CARNMT1: variants seen among roughly 807,000 people sequenced by gnomAD.
CARNMT1 encodes carnosine N-methyltransferase 1.
Under a neutral mutation model 49.6 loss-of-function variants are expected in CARNMT1, and 28 were observed. That is an observed-to-expected ratio of 0.56 (90% confidence interval 0.42 to 0.77). The LOEUF (loss-of-function observed/expected upper bound fraction) is 0.77. Among genes scored for constraint, CARNMT1 ranks in the 30% least tolerant of loss-of-function variants. CARNMT1 has a pLI of 0.00. For missense variants in CARNMT1, 421 were observed against 512.6 expected, an observed-to-expected ratio of 0.82 and a Z score of 1.73; for synonymous variants, 178 against 175.0, an observed-to-expected ratio of 1.02 and a Z score of -0.13.
At chr9:75,023,554 G>T (rs1194205386) in intron 1 of CARNMT1, among the ~76,000 whole-genome samples, 1 of 152,208 alleles carries the variant, frequency 6.6e-6, no homozygotes, top group Non-Finnish European at 1.5e-5. Context: ...GGTGTGCAAA[G>T]CTGCCATAAC....
chr9:75,021,043 C>A (rs1240480232), intron 1 of CARNMT1, among the ~76,000 whole-genome samples: 2 of 151,906 alleles, frequency 1.3e-5, no homozygotes. Context: ...GGGACTAAAC[C>A]AAGTCAGTTA....
intron 6 of CARNMT1, among the ~76,000 whole-genome samples, chr9:74,985,481 G>T (rs1490314228): frequency 9.2e-5 from 14 of 152,118 alleles, no homozygotes; most frequent in African/African-American, 3.1e-4. Flanking sequence ...CATTAGAGCT[G>T]GCTTTTATTT....
intron 3 of CARNMT1, among the ~76,000 whole-genome samples, chr9:75,005,375 TAGAC>T (rs1488750264): frequency 1.3e-5 from 2 of 152,084 alleles, no homozygotes; most frequent in Admixed American, 6.5e-5. Context: ...ACTTGAAACA[TAGAC>T]AGATTGGAGA....
intron 1 of CARNMT1, chr9:75,026,972 C>A: frequency 2.7e-6 from 2 of 746,018 alleles, no homozygotes; most frequent in Non-Finnish European, 4.0e-6. Context: ...TTTATAAAAA[C>A]AACTATAATA....
chr9:74,988,497 T>A (rs1171196718), intron 6 of CARNMT1, among the ~76,000 whole-genome samples: 1 of 152,216 alleles, frequency 6.6e-6, no homozygotes, highest in Non-Finnish European at 1.5e-5. Flanking sequence ...TGTATGAATG[T>A]CTTATGACTG....
At chr9:74,987,386 C>T (rs537589692) in intron 6 of CARNMT1, among the ~76,000 whole-genome samples, 3 of 152,256 alleles carry the variant, frequency 2.0e-5, no homozygotes, top group East Asian at 1.9e-4. Flanking sequence ...ATAACCCAAA[C>T]GTCCACCAAC....
At chr9:75,008,641 T>TA (rs1278478570) in intron 3 of CARNMT1, among the ~76,000 whole-genome samples, 7 of 152,262 alleles carry the variant, frequency 4.6e-5, no homozygotes, top group African/African-American at 1.7e-4. Context: ...GAAAGACCTA[T>TA]ACACTGAAAA....
chr9:74,988,514 C>G (rs927888816), intron 6 of CARNMT1, among the ~76,000 whole-genome samples: 1 of 152,126 alleles, frequency 6.6e-6, no homozygotes, highest in African/African-American at 2.4e-5. Flanking sequence ...ACTGTCCACT[C>G]CATTACTGTT....
rs772049235 is a variant in CARNMT1 at position 75,017,284 on chromosome 9, T to A, written c.395A>T (p.His132Leu). The A allele has an allele frequency of 1.7e-5, 28 of 1,613,414 alleles. No individual in the cohort carries two copies. Among genetic ancestry groups the A allele is most frequent in the Non-Finnish European group, 1.4e-5 (16 of 1,179,532 alleles). The change falls in exon 2 of 8, where the codon CAT becomes CTT. Residue 132 changes from histidine to leucine, a missense_variant. His to Leu is a moderately conservative substitution (Grantham distance 99). Around this residue, in one of 2 missense-constraint regions of CARNMT1, gnomAD observed 235 missense variants for 344.8 expected, o/e 0.68. Coordinates refer to ENST00000376834, the MANE Select transcript of CARNMT1 (RefSeq NM_152420.3). ...ILLTIVNDCI[H>L]MFENKEYGED... ...TCCATATTCTTTATTTTCAAACATA[T>A]GTATGCAATCATTCACAATGGTCAG...
chr9:74,991,939 A>G (rs1833031577), intron 6 of CARNMT1, among the ~76,000 whole-genome samples: 1 of 152,136 alleles, frequency 6.6e-6, no homozygotes, highest in South Asian at 2.1e-4. Context: ...AAAGGGCTGT[A>G]TGTGTTCAGT....
At chr9:75,002,715 G>T (rs1833398085) in intron 3 of CARNMT1, among the ~76,000 whole-genome samples, 1 of 152,080 alleles carries the variant, frequency 6.6e-6, no homozygotes, top group Non-Finnish European at 1.5e-5. Flanking sequence ...ATGGCAAAAT[G>T]TCAAGGTTTA....
At chr9:75,010,030 T>A (rs991999391) in intron 3 of CARNMT1, 2 of 151,426 alleles carry the variant, frequency 1.3e-5, no homozygotes, top group Non-Finnish European at 2.9e-5. Context: ...TGCATGTATA[T>A]GTAAGTGCTA....
intron 3 of CARNMT1, among the ~76,000 whole-genome samples, chr9:75,006,477 C>G (rs906609666): frequency 6.6e-6 from 1 of 152,082 alleles, no homozygotes; most frequent in African/African-American, 2.4e-5. Flanking sequence ...CTCACCTTAT[C>G]TACTATAAGG....
intron 3 of CARNMT1, among the ~76,000 whole-genome samples, chr9:75,004,857 C>A (rs551175454): frequency 3.3e-5 from 5 of 152,208 alleles, no homozygotes; most frequent in Non-Finnish European, 7.4e-5. Context: ...CAAATCACTT[C>A]AAAGTCTTCT....
In CARNMT1 at chr9:75,016,530, T is replaced by C. The variant is rs1033342229; in HGVS notation, c.427-99A>G. 20 of 1,110,204 alleles carry C rather than the reference T, an allele frequency of 1.8e-5. No homozygotes were observed. The African/African-American group carries it at 2.8e-4, about 16-fold the overall frequency. The allele number at this position is 1,110,204 out of a possible 1,614,324, so 68.8% of individuals were successfully genotyped here. ...CTAAGGGGCTATATAGGTGGTTTAG[T>C]GGATAAATCACTAGCCTCTCACCTC... On this transcript the variant is annotated intron_variant, in intron 2 of 7. Transcript: ENST00000376834.
intron 5 of CARNMT1, 144 bp downstream of exon 5, chr9:74,998,454 C>T (rs1203687971): frequency 8.1e-6 from 5 of 619,192 alleles, no homozygotes; most frequent in African/African-American, 1.9e-5. Flanking sequence ...TGTACACGAC[C>T]TTGAAAACAT....
chr9:75,012,727 A>AT (rs2118844095), intron 3 of CARNMT1, among the ~76,000 whole-genome samples: 1 of 151,892 alleles, frequency 6.6e-6, no homozygotes, highest in South Asian at 2.1e-4. Flanking sequence ...TTTTTAAAAA[A>AT]TCTTATCTAC....
intron 7 of CARNMT1, among the ~76,000 whole-genome samples, chr9:74,984,393 A>G (rs992932585): frequency 2.6e-5 from 4 of 152,162 alleles, no homozygotes; most frequent in Non-Finnish European, 4.4e-5. Flanking sequence ...TTGAAAGGCT[A>G]TTTCACCAGA....
At chr9:75,001,688 A>C (rs897308048) in intron 3 of CARNMT1, among the ~76,000 whole-genome samples, 1 of 152,218 alleles carries the variant, frequency 6.6e-6, no homozygotes, top group African/African-American at 2.4e-5. Context: ...CTTTGTTCTT[A>C]GCTAGATTTT....
Sources: gnomAD v4.1 joint callset for allele counts (sites outside exome capture counted in the v4.1 genomes callset) on GRCh38, gnomAD v4.1.1 for gene constraint, gnomAD v4.1.1 regional missense constraint, MANE v1.5 for transcripts, NCBI Gene and HGNC (gene_info 2026-07-23, HGNC 2026-07-21) for gene names.